The following FBXO11 variants were observed in gnomAD, a reference collection of about 807,000 sequenced individuals.
The protein encoded by FBXO11 is F-box only protein 11.
Under a neutral mutation model 117.0 loss-of-function variants are expected in FBXO11, and 13 were observed. The ratio of observed to expected loss-of-function variants is 0.11; its 90% confidence interval spans 0.07 to 0.18. The LOEUF (loss-of-function observed/expected upper bound fraction) is 0.18. FBXO11 is among the 10% of genes least tolerant of loss of function. The pLI is 1.00. For synonymous variants in FBXO11, 490 were observed against 380.5 expected (o/e 1.29, Z -3.35); for missense variants, 767 against 1,164.4 (o/e 0.66, Z 4.97).
chr2:47,854,494 TAAAATA>T (rs1558444519), intron 1 of FBXO11, among the ~76,000 whole-genome samples: 1 of 151,690 alleles, frequency 6.6e-6, no homozygotes. Flanking sequence ...GTAAAGTGAA[TAAAATA>T]AAAATAAATA....
At chr2:47,856,941 G>A (rs1674341765) in intron 1 of FBXO11, among the ~76,000 whole-genome samples, 1 of 152,198 alleles carries the variant, frequency 6.6e-6, no homozygotes, top group African/African-American at 2.4e-5. Flanking sequence ...AAGCTATACT[G>A]GGATGAGTTG....
intron 1 of FBXO11, among the ~76,000 whole-genome samples, chr2:47,892,557 A>G (rs1373508384): frequency 6.6e-6 from 1 of 152,246 alleles, no homozygotes; most frequent in African/African-American, 2.4e-5. Context: ...TTCCTCTGAC[A>G]TGCTGCAATG....
At position 47,834,722 on chromosome 2, in the gene FBXO11, AT is replaced by A. The variant is rs1672424431; in HGVS notation, c.802-12del. On this transcript the variant is annotated splice_polypyrimidine_tract_variant and intron_variant, in intron 6 of 22. Transcript: ENST00000403359. ...AATAGTATCATAATACTAGAAAAAA[AT>A]AAATGTGTCAGTACAGAACTGAAAG... 1 of 1,607,592 alleles carries A rather than the reference AT, an allele frequency of 6.2e-7. No homozygotes were observed. The highest frequency in any genetic ancestry group is 1.3e-5 in the African/African-American group (1 of 74,500).
At chr2:47,874,370 T>C (rs1675841160) in intron 1 of FBXO11, among the ~76,000 whole-genome samples, 1 of 152,140 alleles carries the variant, frequency 6.6e-6, no homozygotes, top group South Asian at 2.1e-4. Flanking sequence ...TACCATTTAC[T>C]ACCTGGGTCC....
rs1054674209 is a variant in FBXO11 at position 47,807,375 on chromosome 2, A to G, written c.*743T>C. Reference sequence around the variant, plus strand: ...CATCCCTTCCTAGGAAGTCTCATTAAAACACTCACTTTTTCTAGGGGTGAT... The same window carrying G: ...CATCCCTTCCTAGGAAGTCTCATTAGAACACTCACTTTTTCTAGGGGTGAT... On this transcript the variant is annotated 3_prime_UTR_variant, in exon 23 of 23. Coordinates refer to ENST00000403359, the MANE Select transcript of FBXO11 (RefSeq NM_001190274.2). 5 of 209,958 alleles carry G rather than the reference A, an allele frequency of 2.4e-5. No homozygotes were observed. The highest frequency in any genetic ancestry group is 3.9e-5 in the Non-Finnish European group (4 of 103,156). 13.0% of individuals were successfully genotyped at this position (209,958 alleles called of 1,614,324 possible). A position where few individuals can be genotyped will look rare whatever the true frequency, so the allele number is the denominator to read the frequency against.
At chr2:47,871,610 T>A (rs570100875) in intron 1 of FBXO11, among the ~76,000 whole-genome samples, 6 of 152,382 alleles carry the variant, frequency 3.9e-5, no homozygotes, top group African/African-American at 1.4e-4. Flanking sequence ...TTATTAGCTT[T>A]GAGGTTCATT....
rs370054467 is a variant in FBXO11 at position 47,857,337 on chromosome 2, T to C, written c.233-17568A>G. 1.2e-4 allele frequency among the ~76,000 whole-genome samples: 18 copies of C among 152,216 alleles called. No homozygotes were observed. In the South Asian group the frequency reaches 2.5e-3, roughly 21 times the overall value. Reference sequence around the variant, plus strand: ...GGTTTTGTTTTGTTGCCCAGGCTGGTCTCAAACTCTTGGCTTCAAGTGATC... The same window carrying C: ...GGTTTTGTTTTGTTGCCCAGGCTGGCCTCAAACTCTTGGCTTCAAGTGATC... On this transcript the variant is annotated intron_variant, in intron 1 of 22. Transcript: ENST00000403359.
intron 1 of FBXO11, among the ~76,000 whole-genome samples, chr2:47,877,736 A>G (rs529367669): frequency 6.6e-6 from 1 of 151,988 alleles, no homozygotes; most frequent in African/African-American, 2.4e-5. Context: ...CCAGGCTGGA[A>G]TGCAGTGGTG....
intron 14 of FBXO11, among the ~76,000 whole-genome samples, 191 bp from the exon 15 acceptor site, chr2:47,819,269 T>C (rs1307355098): frequency 6.6e-6 from 1 of 152,144 alleles, no homozygotes; most frequent in Admixed American, 6.5e-5. Flanking sequence ...CAGGCTGGAG[T>C]ACAGTGGCGC....
At chr2:47,878,300 A>G (rs941582257) in intron 1 of FBXO11, among the ~76,000 whole-genome samples, 4 of 152,092 alleles carry the variant, frequency 2.6e-5, no homozygotes, top group Non-Finnish European at 5.9e-5. Flanking sequence ...CCTGCCTGCA[A>G]AACAGATTTT....
intron 1 of FBXO11, among the ~76,000 whole-genome samples, chr2:47,856,917 A>C (rs1308068077): frequency 6.6e-6 from 1 of 152,250 alleles, no homozygotes; most frequent in Non-Finnish European, 1.5e-5. Flanking sequence ...ATTAAGCTTT[A>C]AGTATATGAT....
intron 1 of FBXO11, among the ~76,000 whole-genome samples, chr2:47,889,278 T>G (rs756975699): frequency 1.3e-5 from 2 of 152,212 alleles, no homozygotes; most frequent in Non-Finnish European, 2.9e-5. Flanking sequence ...ATTAAATAAA[T>G]CTGTGATTGG....
intron 1 of FBXO11, among the ~76,000 whole-genome samples, chr2:47,904,573 C>G (rs1299136613): frequency 7.6e-6 from 1 of 131,254 alleles, no homozygotes; most frequent in Non-Finnish European, 1.6e-5. Context: ...CACACGCGCG[C>G]GCGCGCAAAC....
chr2:47,839,942 G>A (rs1672883348), intron 1 of FBXO11, among the ~76,000 whole-genome samples, 173 bp from the exon 2 acceptor site: 1 of 151,998 alleles, frequency 6.6e-6, no homozygotes, highest in South Asian at 2.1e-4. Flanking sequence ...TATAAAATGT[G>A]GAAGATTTTT....
intron 12 of FBXO11, among the ~76,000 whole-genome samples, chr2:47,822,748 G>C (rs1460833866): frequency 3.9e-5 from 6 of 152,080 alleles, no homozygotes; most frequent in African/African-American, 1.4e-4. Flanking sequence ...TAGTCTTTCT[G>C]GCCAAGAATC....
At chr2:47,889,909 CT>C (rs1677135114) in intron 1 of FBXO11, among the ~76,000 whole-genome samples, 1 of 152,176 alleles carries the variant, frequency 6.6e-6, no homozygotes, top group African/African-American at 2.4e-5. Context: ...ATTCAACAGG[CT>C]TGTGAGCAAA....
At chr2:47,878,103 A>T (rs533828184) in intron 1 of FBXO11, among the ~76,000 whole-genome samples, 60 of 152,130 alleles carry the variant, frequency 3.9e-4, no homozygotes, top group Non-Finnish European at 1.3e-4. Flanking sequence ...AGCACTCTGG[A>T]CCTGCAATTT....
At position 47,862,385 on chromosome 2, in the gene FBXO11, C is replaced by T. The variant is rs114280760; in HGVS notation, c.233-22616G>A. 7.8e-3 allele frequency among the ~76,000 whole-genome samples: 1,192 copies of T among 152,078 alleles called. 8 individuals are homozygous for T. The highest frequency in any genetic ancestry group is 0.014 in the Middle Eastern group (4 of 292). ...AATTCAAAAGAAATGAAACAAAGGG[C>T]GGGTGATATGAAGAACTGGAAAGGA... On this transcript the variant is annotated intron_variant, in intron 1 of 22. Coordinates refer to ENST00000403359, the MANE Select transcript of FBXO11 (RefSeq NM_001190274.2).
chr2:47,834,742 C>T (rs2104823928), intron 6 of FBXO11, 31 bp from the exon 7 acceptor site: 1 of 1,609,512 alleles, frequency 6.2e-7, no homozygotes, highest in Non-Finnish European at 8.5e-7. Context: ...CAGTACAGAA[C>T]TGAAAGATTA....
Sources: allele counts gnomAD v4.1 joint callset (sites outside exome capture counted in the v4.1 genomes callset), GRCh38; gene constraint gnomAD v4.1.1; transcripts MANE v1.5; gene names NCBI Gene and HGNC (gene_info 2026-07-23, HGNC 2026-07-21).